GRM7: variants seen among roughly 807,000 people sequenced by gnomAD.
GRM7 encodes metabotropic glutamate receptor 7.
GRM7 carries 35 observed loss-of-function variants against 84.5 expected under a neutral mutation model. The observed-to-expected ratio is 0.41, with a 90% CI of 0.32 to 0.55. The LOEUF (loss-of-function observed/expected upper bound fraction) is 0.55, where lower values mean the gene tolerates loss of function less well. GRM7 is among the 20% of genes least tolerant of loss of function. The probability of loss-of-function intolerance (pLI) is 0.19; values close to 1 mark genes in which losing one functional copy is unlikely to be tolerated. For missense variants in GRM7, 1,003 were observed against 1,194.6 expected (o/e 0.84, Z 2.36); for synonymous variants, 487 against 455.1 (o/e 1.07, Z -0.89).
At chr3:6,911,584 T>A (rs1696771066) in intron 1 of GRM7, among the ~76,000 whole-genome samples, 1 of 152,100 alleles carries the variant, frequency 6.6e-6, no homozygotes, top group East Asian at 1.9e-4. Flanking sequence ...TCAGTAAATG[T>A]TTGTACTACA....
intron 2 of GRM7, among the ~76,000 whole-genome samples, chr3:7,203,412 G>C (rs898904363): frequency 6.6e-6 from 1 of 152,094 alleles, no homozygotes; most frequent in Non-Finnish European, 1.5e-5. Context: ...TGGCTGAATA[G>C]TATTCCATAT....
At chr3:7,264,601 C>T (rs763014332) in intron 2 of GRM7, among the ~76,000 whole-genome samples, 7 of 152,328 alleles carry the variant, frequency 4.6e-5, no homozygotes, top group Admixed American at 4.6e-4. Context: ...TGTCTTCCCT[C>T]CATCTACTCT....
intron 2 of GRM7, among the ~76,000 whole-genome samples, chr3:7,162,901 G>A (rs761705055): frequency 2.0e-5 from 3 of 150,804 alleles, no homozygotes; most frequent in Admixed American, 6.6e-5. Context: ...CTGAGATTAC[G>A]GGAGTGCACC....
Position 6,898,055 on chromosome 3 carries a change from T to C in GRM7, c.519+36148T>C, listed in dbSNP as rs559017858. Among the ~76,000 whole-genome samples the C allele has an allele frequency of 2.6e-5, 4 of 152,256 alleles. No individual in the cohort carries two copies. The South Asian group carries it at 8.3e-4, about 32-fold the overall frequency. Reference sequence around the variant, plus strand: ...ATCTCCCATGGGTGTTCTCCATTGGTGAACCCAGTGAGAAGCTAGAAGGCA... The same window carrying C: ...ATCTCCCATGGGTGTTCTCCATTGGCGAACCCAGTGAGAAGCTAGAAGGCA... On this transcript the variant is annotated intron_variant, in intron 1 of 9. Coordinates refer to ENST00000357716, the MANE Select transcript of GRM7 (RefSeq NM_000844.4).
intron 4 of GRM7, among the ~76,000 whole-genome samples, chr3:7,334,628 A>G (rs867216138): frequency 3.9e-5 from 6 of 152,186 alleles, no homozygotes; most frequent in African/African-American, 1.4e-4. Context: ...AGAATGGCAG[A>G]ACAGATTAAA....
chr3:7,436,365 G>A (rs528238135), intron 5 of GRM7, among the ~76,000 whole-genome samples: 5 of 151,754 alleles, frequency 3.3e-5, no homozygotes, highest in Middle Eastern at 3.2e-3. Context: ...TTAGGATTAG[G>A]GTCACATACA....
At chr3:7,431,460 A>G (rs1034712043) in intron 5 of GRM7, among the ~76,000 whole-genome samples, 6 of 152,210 alleles carry the variant, frequency 3.9e-5, no homozygotes, top group Admixed American at 3.9e-4. Flanking sequence ...TGTATTTGTC[A>G]AAACTGATTA....
At position 7,168,343 on chromosome 3, in the gene GRM7, C is replaced by T. The variant is rs571817789; in HGVS notation, c.736+21675C>T. On this transcript the variant is annotated intron_variant, in intron 2 of 9. Transcript: ENST00000357716. ...CCAATTTCATATGGAAATTCTTGCCCCAGTGTGGTGGTATTTGAAGGTGAG... is the reference window on the plus strand; with the variant it reads ...CCAATTTCATATGGAAATTCTTGCCTCAGTGTGGTGGTATTTGAAGGTGAG... Among the ~76,000 whole-genome samples the T allele has an allele frequency of 2.0e-5, 3 of 152,154 alleles. No individual in the cohort carries two copies. In the East Asian group the frequency reaches 5.8e-4, roughly 29 times the overall value.
At chr3:7,114,888 C>T (rs535632714) in intron 1 of GRM7, among the ~76,000 whole-genome samples, 1 of 152,244 alleles carries the variant, frequency 6.6e-6, no homozygotes, top group Admixed American at 6.5e-5. Context: ...CTGCTGCCCA[C>T]CCCATGTTTT....
rs543405445 is a variant in GRM7 at position 7,394,894 on chromosome 3, C to G, written c.1034-20129C>G. On this transcript the variant is annotated intron_variant, in intron 4 of 9. Coordinates refer to ENST00000357716, the MANE Select transcript of GRM7 (RefSeq NM_000844.4). ...CTCTACTAAAAATACAAAAATTAGC[C>G]AGGCGTGGTGGCGGGCACCCATAAT... Among the ~76,000 whole-genome samples, 5 of 152,072 alleles carry G rather than the reference C, an allele frequency of 3.3e-5. No homozygotes were observed. The South Asian group carries it at 1.0e-3, about 32-fold the overall frequency.
chr3:7,727,250 TTTAAAATTGCAAATTATA>T (rs1702161314), intron 9 of GRM7, among the ~76,000 whole-genome samples: 1 of 152,188 alleles, frequency 6.6e-6, no homozygotes, highest in Non-Finnish European at 1.5e-5. Flanking sequence ...ATTTGGGTTA[TTTAAAATTGCAAATTATA>T]TTGTACATCA....
chr3:7,713,773 T>C (rs750657320), intron 9 of GRM7, among the ~76,000 whole-genome samples: 1 of 147,664 alleles, frequency 6.8e-6, no homozygotes, highest in South Asian at 2.2e-4. Context: ...ATGCTCTCAA[T>C]TGGAAGAGCC....
In GRM7 at chr3:7,486,398, G is replaced by A. The variant is rs1699323161; in HGVS notation, c.1515+24676G>A. Among the ~76,000 whole-genome samples the A allele has an allele frequency of 6.6e-6, 1 of 152,116 alleles. No homozygotes were observed. Among genetic ancestry groups the A allele is most frequent in the Non-Finnish European group, 1.5e-5 (1 of 68,024 alleles). ...AACTGAGGACAAGTTTTGCTGTTGAGGCTTGGTCTCCAATGTGGCAGTGTT... is the reference window on the plus strand; with the variant it reads ...AACTGAGGACAAGTTTTGCTGTTGAAGCTTGGTCTCCAATGTGGCAGTGTT... On this transcript the variant is annotated intron_variant, in intron 7 of 9. Coordinates refer to ENST00000357716, the MANE Select transcript of GRM7 (RefSeq NM_000844.4). This position sits in a 1 kb window ranked among gnomAD's most constrained non-coding sequence, Gnocchi z 5.5.
chr3:6,977,597 C>A (rs1051699641), intron 1 of GRM7, among the ~76,000 whole-genome samples: 10 of 152,128 alleles, frequency 6.6e-5, no homozygotes, highest in Non-Finnish European at 1.2e-4. Context: ...AACAAGCAAG[C>A]AAACTAAGTC....
chr3:7,295,574 A>G (rs974717015), intron 2 of GRM7, among the ~76,000 whole-genome samples: 1 of 152,208 alleles, frequency 6.6e-6, no homozygotes, highest in Admixed American at 6.5e-5. Context: ...GAATCTATAG[A>G]TAGATTTGGG....
chr3:7,734,593 T>C (rs2106529384), intron 9 of GRM7, among the ~76,000 whole-genome samples: 1 of 152,326 alleles, frequency 6.6e-6, no homozygotes, highest in African/African-American at 2.4e-5. Flanking sequence ...TTTGAAATAC[T>C]GAGTTATTTT....
chr3:7,470,130 C>T (rs912006842), intron 7 of GRM7, among the ~76,000 whole-genome samples: 30 of 152,082 alleles, frequency 2.0e-4, no homozygotes, highest in Non-Finnish European at 5.9e-5. Flanking sequence ...TTACATAATC[C>T]CCCTAACTCC....
chr3:7,521,140 A>G (rs1343783295), intron 7 of GRM7, among the ~76,000 whole-genome samples: 1 of 152,188 alleles, frequency 6.6e-6, no homozygotes, highest in African/African-American at 2.4e-5. Context: ...GACTAAGTGT[A>G]TATTTGTAGT....
intron 1 of GRM7, among the ~76,000 whole-genome samples, chr3:6,948,870 A>T (rs928839525): frequency 6.6e-6 from 1 of 152,138 alleles, no homozygotes; most frequent in Non-Finnish European, 1.5e-5. Flanking sequence ...CAAGACTAAG[A>T]TTGCAACCCC....
Sources: gnomAD v4.1 joint callset for allele counts (sites outside exome capture counted in the v4.1 genomes callset) on GRCh38, gnomAD v4.1.1 for gene constraint, Gnocchi (gnomAD v3.1) non-coding constraint, MANE v1.5 for transcripts, NCBI Gene and HGNC (gene_info 2026-07-23, HGNC 2026-07-21) for gene names.